The following TMEM130 variants were observed in gnomAD, a reference collection of about 807,000 sequenced individuals.
TMEM130 encodes the protein transmembrane protein 130.
A neutral mutation model predicts 42.9 loss-of-function variants in TMEM130; 37 were observed. The observed-to-expected ratio is 0.86, with a 90% CI of 0.66 to 1.13. TMEM130 has a LOEUF of 1.13. TMEM130 is among the 50% of genes most tolerant of loss of function. TMEM130 has a pLI of 0.00. For missense variants in TMEM130, 545 were observed against 562.6 expected (o/e 0.97, Z 0.32); for synonymous variants, 259 against 237.7 (o/e 1.09, Z -0.82).
chr7:98,859,938 G>A (rs533461734), intron 3 of TMEM130, among the ~76,000 whole-genome samples: 8 of 151,918 alleles, frequency 5.3e-5, no homozygotes, highest in Admixed American at 3.9e-4. Context: ...GTGTGGTGGC[G>A]CAAGCCTGCA....
chr7:98,861,707 G>A (rs940459782), intron 2 of TMEM130, among the ~76,000 whole-genome samples: 2 of 152,114 alleles, frequency 1.3e-5, no homozygotes, highest in Non-Finnish European at 2.9e-5. Context: ...AGGAGACTCT[G>A]ACTCAAAAAT....
intron 2 of TMEM130, among the ~76,000 whole-genome samples, chr7:98,861,064 G>A (rs781829204): frequency 6.6e-6 from 1 of 152,084 alleles, no homozygotes; most frequent in African/African-American, 2.4e-5. Flanking sequence ...ACCAGGCACG[G>A]TGGCTCACAC....
chr7:98,850,269 A>ATTTT (rs1244635646), intron 6 of TMEM130, among the ~76,000 whole-genome samples: 4 of 30,168 alleles, frequency 1.3e-4, no homozygotes, highest in Non-Finnish European at 2.9e-4. Context: ...ATATATATAT[A>ATTTT]TATATTTTTT....
chr7:98,869,784 C>A lies in TMEM130; in HGVS notation c.78G>T (p.Val26=). 2 of 1,419,870 alleles carry A rather than the reference C, an allele frequency of 1.4e-6. No homozygotes were observed. The highest frequency in any genetic ancestry group is 1.5e-5 in the South Asian group (1 of 68,532). 88.0% of individuals were successfully genotyped at this position (1,419,870 alleles called of 1,614,324 possible). A position where few individuals can be genotyped will look rare whatever the true frequency, so the allele number is the denominator to read the frequency against. ...GATTGCCCAGCGCCTTACCTGCGGC[C>A]ACCCCTGCCGGGGCCCAGGGCAGGA... ...ACLLPWAPAG[V]AAGLYELNLT... Residue 26 remains valine (V), a synonymous_variant, in exon 1 of 8, where the codon GTG becomes GTT. Coordinates refer to ENST00000339375, the MANE Select transcript of TMEM130 (RefSeq NM_152913.3). This position sits in a 1 kb window ranked among gnomAD's most constrained non-coding sequence, Gnocchi z 4.7.
chr7:98,864,214 G>A (rs1034403004), intron 1 of TMEM130, among the ~76,000 whole-genome samples: 19 of 151,740 alleles, frequency 1.3e-4, no homozygotes, highest in Admixed American at 1.2e-3. Flanking sequence ...AATTCTTTTG[G>A]TTTTGTTTTG....
At chr7:98,850,848 T>G (rs547988681) in intron 6 of TMEM130, among the ~76,000 whole-genome samples, 186 of 152,314 alleles carry the variant, frequency 1.2e-3, no homozygotes, top group African/African-American at 4.1e-3. Context: ...GAGGGAACAC[T>G]GCAATCATGG....
chr7:98,851,942 C>A (rs909695883), intron 5 of TMEM130, among the ~76,000 whole-genome samples: 1 of 151,956 alleles, frequency 6.6e-6, no homozygotes, highest in South Asian at 2.1e-4. Context: ...AGCACATCCC[C>A]CTTTTTGTGT....
chr7:98,856,499 A>T (rs1195908128), intron 3 of TMEM130, among the ~76,000 whole-genome samples: 1 of 152,120 alleles, frequency 6.6e-6, no homozygotes, highest in Non-Finnish European at 1.5e-5. Flanking sequence ...TTTGTCAAAA[A>T]TTTTTTGTTT....
rs531139792 is a variant in TMEM130, at chr7:98,850,773, A to G, written c.1006+648T>C. Among the ~76,000 whole-genome samples the G allele has an allele frequency of 3.3e-5, 5 of 152,090 alleles. No individual in the cohort carries two copies. The South Asian group carries it at 1.0e-3, about 32-fold the overall frequency. ...CACTACAACACTGTGAGTTGAGTAG[A>G]GTTACTGTTGGGGATGCTGGTTTTA... On this transcript the variant is annotated intron_variant, in intron 6 of 7. Transcript: ENST00000339375.
intron 1 of TMEM130, among the ~76,000 whole-genome samples, chr7:98,867,723 C>T (rs1377788003): frequency 6.6e-6 from 1 of 152,118 alleles, no homozygotes; most frequent in Non-Finnish European, 1.5e-5. Context: ...GGGAGCCCGC[C>T]GACTCCCCCA....
chr7:98,863,350 C>T lies in TMEM130; in HGVS notation c.136G>A (p.Val46Met), dbSNP rs1271143047. ...TTDSPATTGA[V>M]VTISASLVAK... ...ACCAGGCTGGCCGAGATGGTCACCA[C>T]CGCTCCCGTGGTGGCAGGGCTATCG... Residue 46 changes from valine (V) to methionine (M), a missense_variant, in exon 2 of 8, where the codon GTG (valine) becomes ATG (methionine). Val to Met is a conservative substitution (Grantham distance 21). Coordinates refer to ENST00000339375, the MANE Select transcript of TMEM130 (RefSeq NM_152913.3). 2.5e-6 allele frequency: 4 copies of T among 1,608,240 alleles called. No homozygotes were observed. The highest frequency in any genetic ancestry group is 2.5e-6 in the Non-Finnish European group (3 of 1,178,904).
intron 1 of TMEM130, among the ~76,000 whole-genome samples, chr7:98,867,997 G>A (rs782742621): frequency 3.3e-5 from 5 of 152,238 alleles, no homozygotes; most frequent in Non-Finnish European, 7.3e-5. Flanking sequence ...GGGAGGCTGA[G>A]ACAGGTGGAT....
In TMEM130 at chr7:98,869,469, T is replaced by C; in HGVS notation, c.85+308A>G. On this transcript the variant is annotated intron_variant, in intron 1 of 7. Transcript: ENST00000339375. This position sits in a 1 kb window ranked among gnomAD's most constrained non-coding sequence, Gnocchi z 4.7. ...CTCCCCTCCCTTAGCGGGTGCATGG[T>C]CCCCAGGCATCGACGGATGCGCCGG... 1.2e-6 allele frequency: 1 copy of C among 863,686 alleles called. No homozygotes were observed. Among genetic ancestry groups the C allele is most frequent in the Non-Finnish European group, 1.4e-6 (1 of 718,746 alleles). 53.5% of individuals were successfully genotyped at this position (863,686 alleles called of 1,614,324 possible). A position where few individuals can be genotyped will look rare whatever the true frequency, so the allele number is the denominator to read the frequency against.
At chr7:98,856,494 C>A (rs1177424939) in intron 3 of TMEM130, among the ~76,000 whole-genome samples, 1 of 152,122 alleles carries the variant, frequency 6.6e-6, no homozygotes, top group Admixed American at 6.6e-5. Flanking sequence ...AATTTTTTGT[C>A]AAAAATTTTT....
chr7:98,848,316 A>C, intron 7 of TMEM130, 108 bp from the exon 8 acceptor site: 2 of 1,370,638 alleles, frequency 1.5e-6, no homozygotes, highest in Non-Finnish European at 2.0e-6. Context: ...TTATGAGCTC[A>C]GCTGCCTGGT....
At chr7:98,850,271 A>ATTTTTTTTTTTTTTTT (rs1290884464) in intron 6 of TMEM130, among the ~76,000 whole-genome samples, 2 of 33,880 alleles carry the variant, frequency 5.9e-5, no homozygotes, top group Non-Finnish European at 1.4e-4. Flanking sequence ...ATATATATAT[A>ATTTTTTTTTTTTTTTT]TATTTTTTTT....
At chr7:98,854,823 G>A (rs907811268) in intron 5 of TMEM130, among the ~76,000 whole-genome samples, 2 of 152,114 alleles carry the variant, frequency 1.3e-5, no homozygotes, top group Non-Finnish European at 1.5e-5. Context: ...ATCACTTGAG[G>A]TCAGGAGTTG....
At chr7:98,858,123 A>C (rs1301714081) in intron 3 of TMEM130, among the ~76,000 whole-genome samples, 1 of 152,126 alleles carries the variant, frequency 6.6e-6, no homozygotes, top group Admixed American at 6.6e-5. Flanking sequence ...TAGTTTATTT[A>C]TATTACATTG....
chr7:98,860,443 G>A (rs1415232158), intron 2 of TMEM130, 105 bp from the exon 3 acceptor site: 7 of 1,195,728 alleles, frequency 5.9e-6, no homozygotes, highest in Middle Eastern at 2.0e-4. Context: ...TTCCCTGCCC[G>A]GACCTTCTGG....
Sources: gnomAD v4.1 joint callset for allele counts (sites outside exome capture counted in the v4.1 genomes callset) on GRCh38, gnomAD v4.1.1 for gene constraint, Gnocchi (gnomAD v3.1) non-coding constraint, MANE v1.5 for transcripts, NCBI Gene and HGNC (gene_info 2026-07-23, HGNC 2026-07-21) for gene names.